RBFOX1: variants seen among roughly 807,000 people sequenced by gnomAD.
RBFOX1 encodes RNA binding fox-1 homolog 1, also known as RNA binding protein fox-1 homolog 1.
A neutral mutation model predicts 57.7 loss-of-function variants in RBFOX1; 8 were observed. The observed-to-expected ratio is 0.14, with a 90% confidence interval of 0.08 to 0.25. The LOEUF is 0.25. Ranked by LOEUF, RBFOX1 falls within the 10% of genes least tolerant of loss-of-function variation. RBFOX1 has a pLI of 1.00. For missense variants in RBFOX1, 611 were observed against 548.5 expected, an observed-to-expected ratio of 1.11 and a Z score of -1.14; for synonymous variants, 326 against 222.4, an observed-to-expected ratio of 1.47 and a Z score of -4.15.
At chr16:6,758,669 C>T (rs750834655) in intron 3 of RBFOX1, among the ~76,000 whole-genome samples, 2 of 152,178 alleles carry the variant, frequency 1.3e-5, no homozygotes, top group South Asian at 4.1e-4. Flanking sequence ...AGTAGCAAGA[C>T]ACACCACCAA....
intron 2 of RBFOX1, among the ~76,000 whole-genome samples, chr16:6,493,814 C>G (rs537473817): frequency 6.6e-6 from 1 of 152,294 alleles, no homozygotes; most frequent in South Asian, 2.1e-4. Flanking sequence ...GATTTCACTT[C>G]CTTTAAACAC....
At chr16:7,274,753 T>A (rs2095408080) in intron 4 of RBFOX1, among the ~76,000 whole-genome samples, 1 of 152,112 alleles carries the variant, frequency 6.6e-6, no homozygotes, top group East Asian at 1.9e-4. Flanking sequence ...AAGACAATCT[T>A]AGCTCACATC....
intron 3 of RBFOX1, among the ~76,000 whole-genome samples, chr16:6,921,159 G>A (rs551305144): frequency 6.6e-5 from 10 of 152,272 alleles, no homozygotes; most frequent in East Asian, 3.9e-4. Flanking sequence ...TTAGGAAATG[G>A]TGATATTCAT....
intron 4 of RBFOX1, among the ~76,000 whole-genome samples, chr16:6,012,387 T>G (rs2094966781): frequency 6.6e-6 from 1 of 152,212 alleles, no homozygotes; most frequent in Non-Finnish European, 1.5e-5. Context: ...TTGGTGAGGA[T>G]GCTTTAGAAC....
chr16:6,880,938 C>T (rs1328946666), intron 3 of RBFOX1, among the ~76,000 whole-genome samples: 1 of 152,146 alleles, frequency 6.6e-6, no homozygotes, highest in African/African-American at 2.4e-5. Flanking sequence ...GTAAATGCTA[C>T]ATTAGGAGAT....
chr16:6,323,643 T>A (rs1013764858), intron 2 of RBFOX1, among the ~76,000 whole-genome samples: 1 of 152,242 alleles, frequency 6.6e-6, no homozygotes, highest in African/African-American at 2.4e-5. Flanking sequence ...GGAGCAATGC[T>A]TGTGAATTGA....
chr16:7,592,308 C>G (rs1364358008), intron 7 of RBFOX1, among the ~76,000 whole-genome samples: 1 of 152,196 alleles, frequency 6.6e-6, no homozygotes, highest in South Asian at 2.1e-4. Flanking sequence ...TTAGTTCATG[C>G]CCCTTCCTTG....
At chr16:7,710,411 T>G in intron 15 of RBFOX1, 1 of 1,391,136 alleles carries the variant, frequency 7.2e-7, no homozygotes, top group African/African-American at 1.5e-5. Context: ...CTGACAGAAT[T>G]TGGTTTTGCA....
chr16:5,918,444 C>G (rs974682741), intron 4 of RBFOX1, among the ~76,000 whole-genome samples: 1 of 152,126 alleles, frequency 6.6e-6, no homozygotes, highest in African/African-American at 2.4e-5. Flanking sequence ...CCACCAACAC[C>G]GGTGTGTGTG....
intron 2 of RBFOX1, among the ~76,000 whole-genome samples, chr16:6,613,044 AGT>A (rs1567883718): frequency 8.7e-5 from 7 of 80,906 alleles, no homozygotes; most frequent in Non-Finnish European, 1.6e-4. Context: ...TGTGTGTGTG[AGT>A]GTGTGTGTGT....
At chr16:6,979,432 G>A (rs2088044689) in intron 3 of RBFOX1, among the ~76,000 whole-genome samples, 1 of 152,172 alleles carries the variant, frequency 6.6e-6, no homozygotes, top group South Asian at 2.1e-4. Context: ...AAAGTCCTTT[G>A]AACAGAAGAA....
chr16:6,852,931 A>C (rs1397640086), intron 3 of RBFOX1, among the ~76,000 whole-genome samples: 1 of 152,188 alleles, frequency 6.6e-6, no homozygotes, highest in African/African-American at 2.4e-5. Flanking sequence ...TGTCCATGCA[A>C]GGAGGATGCT....
intron 1 of RBFOX1, among the ~76,000 whole-genome samples, chr16:6,234,964 G>C (rs1055096957): frequency 1.3e-5 from 2 of 152,090 alleles, no homozygotes; most frequent in Non-Finnish European, 2.9e-5. Context: ...GTGCATAGGA[G>C]GACTCTGTAC....
In RBFOX1 at chr16:6,607,417, C is replaced by CCTCT. The variant is rs58726712; in HGVS notation, c.-63-47170_-63-47167dup. Among the ~76,000 whole-genome samples, 500 of 143,912 alleles carry CCTCT rather than the reference C, an allele frequency of 3.5e-3. 6 individuals are homozygous for CCTCT. The highest frequency in any genetic ancestry group is 5.2e-3 in the Admixed American group (74 of 14,326). The allele number at this position is 143,912 out of a possible 152,430, so 94.4% of individuals were successfully genotyped here. On this transcript the variant is annotated intron_variant, in intron 2 of 15. Coordinates refer to ENST00000550418, the MANE Select transcript of RBFOX1 (RefSeq NM_018723.4). Reference sequence around the variant, plus strand: ...AGCAGTTAGGTCTTTCAGTCTCTCTCCTCTCTCTCTCTCTCTCTCGCTCTC... The same window carrying CCTCT: ...AGCAGTTAGGTCTTTCAGTCTCTCTCCTCTCTCTCTCTCTCTCTCTCTCGCTCTC...
intron 1 of RBFOX1, among the ~76,000 whole-genome samples, chr16:5,348,049 A>G (rs1596604848): frequency 1.4e-5 from 1 of 70,540 alleles, no homozygotes; most frequent in African/African-American, 5.7e-5. Flanking sequence ...CCATCCACCC[A>G]CCCTTCCACT....
intron 4 of RBFOX1, among the ~76,000 whole-genome samples, chr16:7,146,945 C>A (rs1259273913): frequency 9.6e-6 from 1 of 104,404 alleles, no homozygotes; most frequent in Non-Finnish European, 1.9e-5. Context: ...TGATACCCTG[C>A]ATCAAAATAA....
chr16:6,582,442 C>T (rs2097548845), intron 2 of RBFOX1, among the ~76,000 whole-genome samples: 1 of 144,420 alleles, frequency 6.9e-6, no homozygotes, highest in African/African-American at 2.6e-5. Context: ...TGTCTTTGTT[C>T]CTTGAAATGT....
At chr16:5,339,833 G>T (rs1287460638) in intron 1 of RBFOX1, among the ~76,000 whole-genome samples, 2 of 152,002 alleles carry the variant, frequency 1.3e-5, no homozygotes, top group African/African-American at 4.8e-5. Flanking sequence ...GGAGCCAGGT[G>T]GGAGAGCTTT....
chr16:7,376,260 C>T (rs1596835292), intron 4 of RBFOX1, among the ~76,000 whole-genome samples: 1 of 152,138 alleles, frequency 6.6e-6, no homozygotes, highest in African/African-American at 2.4e-5. Flanking sequence ...ATTATATTGC[C>T]ACTTACTTGC....
Sources: gnomAD v4.1 joint callset for allele counts (sites outside exome capture counted in the v4.1 genomes callset) on GRCh38, gnomAD v4.1.1 for gene constraint, MANE v1.5 for transcripts, NCBI Gene and HGNC (gene_info 2026-07-23, HGNC 2026-07-21) for gene names.